GSE1: variants seen among roughly 807,000 people sequenced by gnomAD.
The protein encoded by GSE1 is Gse1 coiled-coil protein.
A neutral mutation model predicts 112.6 loss-of-function variants in GSE1; 32 were observed. The observed-to-expected ratio is 0.28, with a 90% CI of 0.21 to 0.38. GSE1 has a LOEUF of 0.38. Among genes scored for constraint, GSE1 ranks in the 10% least tolerant of loss-of-function variants. The pLI is 1.00. For synonymous variants in GSE1, 1,115 were observed against 735.6 expected (o/e 1.52, Z -8.35); for missense variants, 2,348 against 1,699.2 (o/e 1.38, Z -6.71).
chr16:85,458,173 G>A (rs991169541), intron 2 of GSE1, among the ~76,000 whole-genome samples: 1 of 152,186 alleles, frequency 6.6e-6, no homozygotes, highest in Non-Finnish European at 1.5e-5. Flanking sequence ...CTTGGAAGTG[G>A]GCCAGCCATT....
chr16:85,275,522 T>G (rs1025217491), intron 1 of GSE1, among the ~76,000 whole-genome samples: 1 of 152,150 alleles, frequency 6.6e-6, no homozygotes, highest in Admixed American at 6.5e-5. Flanking sequence ...GCCACCGAGT[T>G]CAAATGGCAC....
intron 2 of GSE1, among the ~76,000 whole-genome samples, chr16:85,389,244 G>A (rs1016790342): frequency 6.6e-6 from 1 of 152,138 alleles, no homozygotes; most frequent in Non-Finnish European, 1.5e-5. Flanking sequence ...TGGATCACTT[G>A]AGGTCAGGAG....
intron 2 of GSE1, among the ~76,000 whole-genome samples, chr16:85,426,068 T>TGGAAGGAA (rs397932891): frequency 1.9e-4 from 25 of 129,460 alleles, no homozygotes; most frequent in Middle Eastern, 4.1e-3. Flanking sequence ...GATGGATGGA[T>TGGAAGGAA]GGATGGGTAG....
intron 1 of GSE1, among the ~76,000 whole-genome samples, chr16:85,175,240 C>G (rs2074437957): frequency 6.6e-6 from 1 of 152,200 alleles, no homozygotes. Flanking sequence ...GAGCACCATG[C>G]TCTGCAGGCA....
At chr16:85,354,370 A>G (rs953586342) in intron 1 of GSE1, among the ~76,000 whole-genome samples, 1 of 152,260 alleles carries the variant, frequency 6.6e-6, no homozygotes, top group Non-Finnish European at 1.5e-5. Flanking sequence ...AGGATTAACT[A>G]TGCTAATCAG....
At chr16:85,361,950 G>A (rs1041641983) in intron 2 of GSE1, among the ~76,000 whole-genome samples, 1 of 152,256 alleles carries the variant, frequency 6.6e-6, no homozygotes, top group Non-Finnish European at 1.5e-5. Context: ...CCACTCCCGG[G>A]CAAAGGCTCC....
chr16:85,215,654 T>G (rs1346819858), intron 1 of GSE1, among the ~76,000 whole-genome samples: 1 of 152,234 alleles, frequency 6.6e-6, no homozygotes, highest in African/African-American at 2.4e-5. Context: ...TGTTGTTTGT[T>G]CACTCAGCAA....
At chr16:85,399,359 A>AGTCCACGGG (rs2048040280) in intron 2 of GSE1, among the ~76,000 whole-genome samples, 1 of 152,212 alleles carries the variant, frequency 6.6e-6, no homozygotes, top group Non-Finnish European at 1.5e-5. Context: ...GGGGGGGTTC[A>AGTCCACGGG]GTCCACGGGG....
intron 2 of GSE1, among the ~76,000 whole-genome samples, chr16:85,542,473 C>G (rs756617975): frequency 6.6e-6 from 1 of 152,234 alleles, no homozygotes; most frequent in African/African-American, 2.4e-5. Context: ...CATAAGCCTC[C>G]GCTGTGCAGA....
chr16:85,389,460 C>CAAAAA (rs59509773), intron 2 of GSE1, among the ~76,000 whole-genome samples: 1 of 77,838 alleles, frequency 1.3e-5, no homozygotes, highest in African/African-American at 4.5e-5. Context: ...ACTCTGTCTC[C>CAAAAA]AAAAAAAAAA....
chr16:85,662,302 G>C (rs189216115), intron 9 of GSE1: 2 of 155,204 alleles, frequency 1.3e-5, no homozygotes, highest in African/African-American at 4.8e-5. Flanking sequence ...AGAGAGCCAG[G>C]AAGAGCAACC....
chr16:85,621,935 G>A (rs1374690136), intron 1 of GSE1, among the ~76,000 whole-genome samples: 1 of 152,086 alleles, frequency 6.6e-6, no homozygotes, highest in African/African-American at 2.4e-5. Context: ...TTCTCATGGC[G>A]CAACAAGAAC....
chr16:85,210,104 G>A (rs561448088), intron 1 of GSE1, among the ~76,000 whole-genome samples: 20 of 152,264 alleles, frequency 1.3e-4, no homozygotes, highest in African/African-American at 4.6e-4. Context: ...CATTCATATT[G>A]CCGCTGGCAG....
chr16:85,620,399 T>C (rs2048655107), intron 1 of GSE1, among the ~76,000 whole-genome samples: 1 of 152,260 alleles, frequency 6.6e-6, no homozygotes, highest in Non-Finnish European at 1.5e-5. Flanking sequence ...ATTTTTGTAA[T>C]GTTTTTGCAT....
intron 1 of GSE1, among the ~76,000 whole-genome samples, chr16:85,251,653 C>A (rs901378716): frequency 9.2e-5 from 14 of 152,236 alleles, no homozygotes; most frequent in African/African-American, 2.9e-4. Flanking sequence ...GCGGTCAGAC[C>A]CTGCCTGCTG....
rs576348279 is a variant in GSE1 at position 85,331,884 on chromosome 16, C to T, written c.2284-25579C>T. Reference sequence around the variant, plus strand: ...TTGCAGTGCTCCTGAGGGTGTGCCTCCCATGTTTGGAAGCTTGAGGCGCAG... The same window carrying T: ...TTGCAGTGCTCCTGAGGGTGTGCCTTCCATGTTTGGAAGCTTGAGGCGCAG... On this transcript the variant is annotated intron_variant, in intron 1 of 2. Transcript: ENST00000637419. Among the ~76,000 whole-genome samples, 131 of 151,870 alleles carry T rather than the reference C, an allele frequency of 8.6e-4. 1 individual carries two copies. Among genetic ancestry groups the T allele is most frequent in the African/African-American group, 2.9e-3 (121 of 41,416 alleles).
At chr16:85,563,656 C>T (rs2045620770) in intron 1 of GSE1, among the ~76,000 whole-genome samples, 1 of 152,254 alleles carries the variant, frequency 6.6e-6, no homozygotes, top group African/African-American at 2.4e-5. Context: ...CTCCCTCCCA[C>T]AGTGAGACAG....
intron 2 of GSE1, among the ~76,000 whole-genome samples, chr16:85,363,999 C>T (rs1597492042): frequency 6.6e-6 from 1 of 152,206 alleles, no homozygotes; most frequent in Admixed American, 6.5e-5. Context: ...CCACAAACTT[C>T]GTGGCTTAAA....
At chr16:85,189,783 GT>G (rs1461886189) in intron 1 of GSE1, among the ~76,000 whole-genome samples, 17 of 152,114 alleles carry the variant, frequency 1.1e-4, no homozygotes, top group Admixed American at 3.3e-4. Flanking sequence ...TTTTGTCTAG[GT>G]AGTCAAATTA....
Sources: gnomAD v4.1 joint callset for allele counts (sites outside exome capture counted in the v4.1 genomes callset) on GRCh38, gnomAD v4.1.1 for gene constraint, MANE v1.5 for transcripts, NCBI Gene and HGNC (gene_info 2026-07-23, HGNC 2026-07-21) for gene names.